RHOBTB3: variants seen among roughly 807,000 people sequenced by gnomAD.
RHOBTB3 encodes Rho related BTB domain containing 3, also known as rho-related BTB domain-containing protein 3.
In RHOBTB3, 47 loss-of-function variants were observed where a neutral mutation model predicts 67.2. The observed-to-expected ratio is 0.70, with a 90% CI of 0.55 to 0.89. RHOBTB3 has a LOEUF of 0.89. Ranked by LOEUF, RHOBTB3 falls within the 40% of genes least tolerant of loss-of-function variation. RHOBTB3 has a pLI of 0.00. For synonymous variants in RHOBTB3, 273 were observed against 274.2 expected, an observed-to-expected ratio of 1.00 and a Z score of 0.04; for missense variants, 631 against 750.0, an observed-to-expected ratio of 0.84 and a Z score of 1.85.
intron 8 of RHOBTB3, among the ~76,000 whole-genome samples, chr5:95,778,212 C>T (rs1017271149): frequency 3.9e-5 from 6 of 152,030 alleles, no homozygotes; most frequent in Admixed American, 6.5e-5. Context: ...CGCTCAAGTT[C>T]GTGATATTAA....
intron 9 of RHOBTB3, chr5:95,781,377 A>G (rs1330340854): frequency 3.3e-5 from 5 of 152,258 alleles, no homozygotes; most frequent in Non-Finnish European, 5.9e-5. Flanking sequence ...TAATTTTTAG[A>G]ATGGAAAGGT....
At chr5:95,739,993 A>G (rs1032970085) in intron 3 of RHOBTB3, among the ~76,000 whole-genome samples, 1 of 152,094 alleles carries the variant, frequency 6.6e-6, no homozygotes, top group African/African-American at 2.4e-5. Flanking sequence ...CATAATCCCC[A>G]TGTGTCATGG....
intron 7 of RHOBTB3, among the ~76,000 whole-genome samples, chr5:95,765,643 C>T (rs553928030): frequency 6.6e-6 from 1 of 152,304 alleles, no homozygotes; most frequent in Admixed American, 6.5e-5. Flanking sequence ...CCTCTGCGAG[C>T]TCTCCAATTC....
chr5:95,729,490 A>G (rs758361852), upstream of RHOBTB3, among the ~76,000 whole-genome samples: 1 of 152,212 alleles, frequency 6.6e-6, no homozygotes, highest in Non-Finnish European at 1.5e-5. Context: ...ATAAAATATA[A>G]CAATAGTTAC....
At chr5:95,791,043 C>T (rs1342928470) in intron 11 of RHOBTB3, among the ~76,000 whole-genome samples, 1 of 152,196 alleles carries the variant, frequency 6.6e-6, no homozygotes, top group African/African-American at 2.4e-5. Flanking sequence ...ACACCTGGCC[C>T]ACTGCACATG....
chr5:95,736,787 TA>T, intron 2 of RHOBTB3, 101 bp from the exon 3 acceptor site: 2 of 764,412 alleles, frequency 2.6e-6, no homozygotes, highest in Non-Finnish European at 2.0e-6. Context: ...TTACTTATTT[TA>T]AAATAATTTT....
intron 6 of RHOBTB3, among the ~76,000 whole-genome samples, chr5:95,758,036 G>C (rs1404542274): frequency 6.6e-6 from 1 of 152,160 alleles, no homozygotes; most frequent in East Asian, 1.9e-4. Flanking sequence ...ATAATTTTCT[G>C]TTGAAATTAC....
At chr5:95,731,308 T>G, upstream of RHOBTB3, 2 of 1,046,404 alleles carry the variant, frequency 1.9e-6, no homozygotes, top group Non-Finnish European at 1.1e-6. Flanking sequence ...CCTTCTCTGC[T>G]TAGAGGAGGA....
chr5:95,744,677 C>A (rs138529179), intron 3 of RHOBTB3, among the ~76,000 whole-genome samples: 2,298 of 152,274 alleles, frequency 0.015, 58 homozygotes, highest in African/African-American at 0.052. Context: ...GGCTTCCCCC[C>A]ATCCATCCCT....
At chr5:95,780,754 G>A (rs1375678080) in intron 9 of RHOBTB3, among the ~76,000 whole-genome samples, 1 of 152,174 alleles carries the variant, frequency 6.6e-6, no homozygotes, top group Non-Finnish European at 1.5e-5. Context: ...CTAGAGATCG[G>A]GGCAGATTGT....
chr5:95,737,652 T>A (rs1440106551), intron 3 of RHOBTB3, among the ~76,000 whole-genome samples: 1 of 152,252 alleles, frequency 6.6e-6, no homozygotes, highest in Admixed American at 6.5e-5. Context: ...ATTTTACAGA[T>A]CTTCTTAGTG....
intron 10 of RHOBTB3, among the ~76,000 whole-genome samples, chr5:95,786,668 C>G (rs1484727092): frequency 6.6e-6 from 1 of 152,206 alleles, no homozygotes; most frequent in African/African-American, 2.4e-5. Context: ...ATCTGAGGCA[C>G]AAGTTGTATT....
intron 10 of RHOBTB3, among the ~76,000 whole-genome samples, chr5:95,786,318 C>G (rs17085067): frequency 0.025 from 3,800 of 152,302 alleles, 172 homozygotes; most frequent in African/African-American, 0.086. Context: ...CTCCCAGTAG[C>G]TCTCCAAATA....
At chr5:95,743,309 G>T (rs984035133) in intron 3 of RHOBTB3, among the ~76,000 whole-genome samples, 27 of 152,188 alleles carry the variant, frequency 1.8e-4, no homozygotes, top group African/African-American at 6.3e-4. Context: ...TCTCTGCCCA[G>T]CTGCTGTCTG....
At chr5:95,732,260 C>T in intron 2 of RHOBTB3, 176 bp downstream of exon 2, 1 of 653,000 alleles carries the variant, frequency 1.5e-6, no homozygotes, top group Middle Eastern at 2.5e-4. Flanking sequence ...GGGAACAGCC[C>T]TGTCAGAGAA....
intron 4 of RHOBTB3, among the ~76,000 whole-genome samples, chr5:95,749,330 T>C (rs533794734): frequency 9.2e-5 from 14 of 152,366 alleles, no homozygotes; most frequent in Admixed American, 2.0e-4. Flanking sequence ...ATATTCATTA[T>C]GTAAATTCAT....
chr5:95,782,798 A>G (rs111968574), intron 9 of RHOBTB3: 12,296 of 138,898 alleles, frequency 0.089, 609 homozygotes, highest in Middle Eastern at 0.15. Flanking sequence ...CGACAGAGTG[A>G]GACTCCATCT....
At chr5:95,732,810 G>A (rs1050575124) in intron 2 of RHOBTB3, 3 of 152,146 alleles carry the variant, frequency 2.0e-5, no homozygotes, top group African/African-American at 7.2e-5. Flanking sequence ...AGGGAGAAAG[G>A]AACTTACTTT....
intron 10 of RHOBTB3, among the ~76,000 whole-genome samples, chr5:95,787,227 G>GT (rs148196394): frequency 0.05 from 7,588 of 152,156 alleles, 316 homozygotes; most frequent in African/African-American, 0.11. Flanking sequence ...GGTTAATCAC[G>GT]TAACAGTAGT....
Sources: allele counts gnomAD v4.1 joint callset (sites outside exome capture counted in the v4.1 genomes callset), GRCh38; gene constraint gnomAD v4.1.1; transcripts MANE v1.5; gene names NCBI Gene and HGNC (gene_info 2026-07-23, HGNC 2026-07-21).